Variants in TEP1 observed in about 807,000 individuals in gnomAD.
TEP1 encodes the protein telomerase protein component 1.
Under a neutral mutation model 306.3 loss-of-function variants are expected in TEP1, and 241 were observed. That is an observed-to-expected ratio of 0.79 (90% CI 0.71 to 0.88). The LOEUF is 0.88. Ranked by LOEUF, TEP1 falls within the 40% of genes least tolerant of loss-of-function variation. TEP1 has a pLI of 0.00. For synonymous variants in TEP1, 1,289 were observed against 1,305.5 expected, an observed-to-expected ratio of 0.99 and a Z score of 0.27; for missense variants, 3,051 against 3,276.1, an observed-to-expected ratio of 0.93 and a Z score of 1.68.
chr14:20,397,324 C>T (rs1878287018), intron 9 of TEP1, among the ~76,000 whole-genome samples: 1 of 151,944 alleles, frequency 6.6e-6, no homozygotes, highest in African/African-American at 2.4e-5. Flanking sequence ...GAAGGTTCAC[C>T]ATTTATGAAA....
intron 8 of TEP1, 77 bp from the exon 9 acceptor site, chr14:20,401,218 G>C: frequency 6.5e-7 from 1 of 1,545,752 alleles, no homozygotes; most frequent in Non-Finnish European, 8.8e-7. Flanking sequence ...GGTGAGTCAT[G>C]TTTACAGGGC....
chr14:20,376,082 G>C (rs779737851), intron 42 of TEP1, 22 bp downstream of exon 42: 1 of 1,611,464 alleles, frequency 6.2e-7, no homozygotes. Flanking sequence ...GGACCCCAGG[G>C]TTGCATCCTT....
Position 20,408,138 on chromosome 14 carries a change from T to C in TEP1, c.302A>G (p.His101Arg), listed in dbSNP as rs1879344680. 2 of 1,610,050 alleles carry C rather than the reference T, an allele frequency of 1.2e-6. No individual in the cohort carries two copies. The highest frequency in any genetic ancestry group is 1.7e-6 in the Non-Finnish European group (2 of 1,177,678). ...MEKPHGHVSAHPDILSLENRC... is the reference protein window; with the variant it reads ...MEKPHGHVSARPDILSLENRC... ...GTTCTCCAAGGAGAGGATGTCTGGG[T>C]GGGCAGAAACATGTCCATGTGGTTT... Residue 101 changes from histidine (H) to arginine (R), a missense_variant, in exon 2 of 55, where the codon CAC (histidine) becomes CGC (arginine). Around this residue, in one of 3 missense-constraint regions of TEP1, gnomAD observed 1,507 missense variants for 1,550.5 expected, o/e 0.97. Transcript: ENST00000262715.
chr14:20,392,005 T>C (rs989539170), intron 12 of TEP1, among the ~76,000 whole-genome samples: 2 of 152,216 alleles, frequency 1.3e-5, no homozygotes, highest in African/African-American at 4.8e-5. Flanking sequence ...AAGTCACCTG[T>C]AGACCCACTA....
At position 20,405,447 on chromosome 14, in the gene TEP1, A is replaced by G; in HGVS notation, c.870+4T>C. Reference sequence around the variant, plus strand: ...CCCCCATCCCCTCCTTCACACCTCAATACCTTGAGGATAAACTCAGGCTCC... The same window carrying G: ...CCCCCATCCCCTCCTTCACACCTCAGTACCTTGAGGATAAACTCAGGCTCC... On this transcript the variant is annotated splice_donor_region_variant and intron_variant, in intron 4 of 54. Coordinates refer to ENST00000262715, the MANE Select transcript of TEP1 (RefSeq NM_007110.5). 6.2e-7 allele frequency: 1 copy of G among 1,613,880 alleles called. No individual in the cohort carries two copies. Among genetic ancestry groups the G allele is most frequent in the African/African-American group, 1.3e-5 (1 of 74,986 alleles).
intron 28 of TEP1, 52 bp downstream of exon 28, chr14:20,382,571 G>A: frequency 6.2e-7 from 1 of 1,602,098 alleles, no homozygotes; most frequent in Non-Finnish European, 8.6e-7. Context: ...CAAAGCAGCT[G>A]AAGAGAGAAT....
rs368872757 is a variant in TEP1, at chr14:20,369,047, GC to G, written c.7657-146del. The G allele has an allele frequency of 1.8e-4, 125 of 678,786 alleles. No homozygotes were observed. In the East Asian group the frequency reaches 2.8e-3, roughly 15 times the overall value. The allele number at this position is 678,786 out of a possible 1,614,324, so 42.0% of individuals were successfully genotyped here. On this transcript the variant is annotated intron_variant, in intron 53 of 54. Coordinates refer to ENST00000262715, the MANE Select transcript of TEP1 (RefSeq NM_007110.5). ...TTTGAGACAAGAGTCTCGCTCTGTC[GC>G]CCAGGCTGGAGTGCAGTGGCGCAAT...
chr14:20,377,911 G>T, intron 39 of TEP1, 113 bp downstream of exon 39: 1 of 1,476,840 alleles, frequency 6.8e-7, no homozygotes, highest in Non-Finnish European at 9.3e-7. Context: ...CGTGGTTCCT[G>T]CAATCCAAGC....
chr14:20,410,314 C>A (rs1341292222), intron 1 of TEP1, among the ~76,000 whole-genome samples: 2 of 152,074 alleles, frequency 1.3e-5, no homozygotes, highest in South Asian at 2.1e-4. Flanking sequence ...GTCTAAAGGA[C>A]CTCCCTGCTA....
chr14:20,394,732 G>C (rs1039607668), intron 12 of TEP1, among the ~76,000 whole-genome samples: 1 of 152,080 alleles, frequency 6.6e-6, no homozygotes, highest in Non-Finnish European at 1.5e-5. Flanking sequence ...CCTGCCTCGT[G>C]ATCCACCTGC....
At chr14:20,385,884 G>A (rs971149738) in intron 20 of TEP1, among the ~76,000 whole-genome samples, 191 bp downstream of exon 20, 2 of 152,182 alleles carry the variant, frequency 1.3e-5, no homozygotes, top group African/African-American at 4.8e-5. Context: ...GCCAACCCCA[G>A]AGGCACTTCT....
intron 1 of TEP1, among the ~76,000 whole-genome samples, chr14:20,409,510 T>C (rs1879459947): frequency 6.6e-6 from 1 of 152,184 alleles, no homozygotes; most frequent in Admixed American, 6.5e-5. Flanking sequence ...CCCCACTGGA[T>C]GACTCAAAGG....
intron 49 of TEP1, 142 bp from the exon 50 acceptor site, chr14:20,371,774 G>T: frequency 3.7e-6 from 4 of 1,090,048 alleles, no homozygotes; most frequent in East Asian, 2.7e-5. Flanking sequence ...TCCACTTTCT[G>T]GTTTTTGTTT....
Position 20,373,025 on chromosome 14 carries a change from C to T in TEP1, c.6937G>A (p.Val2313Met). ...CACCGACTCACCTGTGCTGTGGCCA[C>T]AGCCTTAGCTTCCTGCCACAAGATT... ...ELILWQEAKAVATAQAPGHIG... is the reference protein window; with the variant it reads ...ELILWQEAKAMATAQAPGHIG... Residue 2313 changes from valine (V) to methionine (M), a missense_variant, in exon 48 of 55, where the codon GTG (valine) becomes ATG (methionine). By Grantham distance (21) the Val-to-Met change is conservative. Coordinates refer to ENST00000262715, the MANE Select transcript of TEP1 (RefSeq NM_007110.5). 1 of 1,614,214 alleles carries T rather than the reference C, an allele frequency of 6.2e-7. No homozygotes were observed. Among genetic ancestry groups the T allele is most frequent in the Non-Finnish European group, 8.5e-7 (1 of 1,180,034 alleles).
chr14:20,373,531 G>A lies in TEP1; in HGVS notation c.6657C>T (p.Ala2219=), dbSNP rs550280804. Residue 2219 remains alanine, a synonymous_variant, in exon 46 of 55, where the codon GCC becomes GCT. Transcript: ENST00000262715. ...LLVVTVGLDG[A]TRLWHPLLVC... is the part of the protein sequence containing the mutation. ...CCAAGAGTGGATGCCATAACCGTGT[G>A]GCCCCATCTAGCCCGACGGTTACCA... is the stretch of plus-strand genomic sequence containing the variant. The A allele has an allele frequency of 1.2e-5, 20 of 1,614,226 alleles. No individual in the cohort carries two copies. In the South Asian group the frequency reaches 2.0e-4, roughly 16 times the overall value.
At chr14:20,408,524 G>C (rs912504992) in intron 1 of TEP1, 61 bp from the exon 2 acceptor site, 10 of 1,314,104 alleles carry the variant, frequency 7.6e-6, no homozygotes, top group Non-Finnish European at 1.0e-5. Context: ...ATTTGCATGA[G>C]AGCATATCTT....
At chr14:20,400,043 C>G (rs1878538334) in intron 9 of TEP1, among the ~76,000 whole-genome samples, 1 of 149,462 alleles carries the variant, frequency 6.7e-6, no homozygotes, top group Non-Finnish European at 1.5e-5. Context: ...GTAATCCCAG[C>G]TACTCGGGAG....
At chr14:20,411,032 G>A (rs945428829) in intron 1 of TEP1, among the ~76,000 whole-genome samples, 1 of 151,680 alleles carries the variant, frequency 6.6e-6, no homozygotes, top group African/African-American at 2.4e-5. Context: ...ATGTTCATCA[G>A]GATGGTCTCA....
At chr14:20,412,646 C>T (rs1178861313) in intron 1 of TEP1, among the ~76,000 whole-genome samples, 1 of 151,550 alleles carries the variant, frequency 6.6e-6, no homozygotes, top group Admixed American at 6.6e-5. Flanking sequence ...GAGACCTTGC[C>T]CTGTTAACAC....
Sources: gnomAD v4.1 joint callset for allele counts (sites outside exome capture counted in the v4.1 genomes callset) on GRCh38, gnomAD v4.1.1 for gene constraint, gnomAD v4.1.1 regional missense constraint, MANE v1.5 for transcripts, NCBI Gene and HGNC (gene_info 2026-07-23, HGNC 2026-07-21) for gene names.